EPS15: variants seen among roughly 807,000 people sequenced by gnomAD.
EPS15 encodes the protein epidermal growth factor receptor pathway substrate 15.
Under a neutral mutation model 113.8 loss-of-function variants are expected in EPS15, and 72 were observed. The observed-to-expected ratio is 0.63, with a 90% CI of 0.52 to 0.77. EPS15 has a LOEUF of 0.77. Among genes scored for constraint, EPS15 ranks in the 30% least tolerant of loss-of-function variants. The pLI, the probability that EPS15 is intolerant of heterozygous loss-of-function variation, is 0.00. For missense variants in EPS15, 1,048 were observed against 1,045.8 expected (o/e 1.00, Z -0.03); for synonymous variants, 344 against 363.4 (o/e 0.95, Z 0.61).
chr1:51,412,860 C>G (rs949939911), intron 13 of EPS15, among the ~76,000 whole-genome samples: 1 of 152,118 alleles, frequency 6.6e-6, no homozygotes, highest in Non-Finnish European at 1.5e-5. Context: ...TCGTTCCTTC[C>G]TTGACATACA....
intron 15 of EPS15, 84 bp from the exon 16 acceptor site, chr1:51,406,192 C>A: frequency 8.6e-7 from 1 of 1,158,450 alleles, no homozygotes; most frequent in South Asian, 1.4e-5. Context: ...CACTTCCTGA[C>A]GGGCTAGGTG....
At chr1:51,505,871 A>G (rs1227107678) in intron 1 of EPS15, among the ~76,000 whole-genome samples, 3 of 151,260 alleles carry the variant, frequency 2.0e-5, no homozygotes, top group Non-Finnish European at 4.4e-5. Context: ...GGCTCACTAC[A>G]ATTTATTTAT....
chr1:51,510,053 G>T (rs1443465136), intron 1 of EPS15, among the ~76,000 whole-genome samples: 3 of 152,190 alleles, frequency 2.0e-5, no homozygotes, highest in Non-Finnish European at 2.9e-5. Flanking sequence ...TTGTAAAACA[G>T]GGATATAAGG....
intron 4 of EPS15, 142 bp from the exon 5 acceptor site, chr1:51,468,710 C>T (rs922636042): frequency 3.3e-6 from 2 of 608,438 alleles, no homozygotes; most frequent in Non-Finnish European, 5.8e-6. Flanking sequence ...ATATTTGCTT[C>T]AAAAATATCT....
chr1:51,372,236 C>A (rs1208268026), intron 21 of EPS15: 2 of 474,008 alleles, frequency 4.2e-6, no homozygotes, highest in Non-Finnish European at 8.7e-6. Context: ...TTGCAGGGAG[C>A]TAGGCCTAGT....
intron 8 of EPS15, 157 bp downstream of exon 8, chr1:51,460,933 GA>G (rs754196939): frequency 2.1e-4 from 106 of 513,652 alleles, no homozygotes; most frequent in Non-Finnish European, 3.3e-4. Context: ...CAGCCTGGGT[GA>G]CAGAGTGAGA....
At chr1:51,440,793 G>T (rs116831235) in intron 11 of EPS15, among the ~76,000 whole-genome samples, 202 of 152,136 alleles carry the variant, frequency 1.3e-3, no homozygotes, top group African/African-American at 4.7e-3. Flanking sequence ...ATTTCTCAGA[G>T]AAACTGATGG....
At chr1:51,402,608 C>T in intron 17 of EPS15, 83 bp from the exon 18 acceptor site, 1 of 717,390 alleles carries the variant, frequency 1.4e-6, no homozygotes, top group South Asian at 1.9e-5. Flanking sequence ...AACACACATT[C>T]AGGTCATACA....
chr1:51,363,463 G>C (rs1405060395), intron 23 of EPS15, among the ~76,000 whole-genome samples: 1 of 152,048 alleles, frequency 6.6e-6, no homozygotes, highest in Non-Finnish European at 1.5e-5. Flanking sequence ...TACTTTACAG[G>C]AAAAGGACTT....
At chr1:51,495,333 TTTTA>T (rs1267874237) in intron 1 of EPS15, among the ~76,000 whole-genome samples, 1 of 150,900 alleles carries the variant, frequency 6.6e-6, no homozygotes, top group Non-Finnish European at 1.5e-5. Context: ...ACAAAGTGAG[TTTTA>T]TTTATTTTTA....
chr1:51,461,726 ATAAT>A (rs1360955083), intron 7 of EPS15: 2 of 152,210 alleles, frequency 1.3e-5, no homozygotes, highest in African/African-American at 2.4e-5. Flanking sequence ...CAGGGGAGAA[ATAAT>A]TAGTGGGAAA....
chr1:51,408,360 A>C, intron 14 of EPS15, 28 bp from the exon 15 acceptor site: 1 of 1,497,230 alleles, frequency 6.7e-7, no homozygotes, highest in Non-Finnish European at 9.3e-7. Context: ...ATGAGAAGAA[A>C]TGGGGATTAA....
chr1:51,411,762 G>A (rs1039128963), intron 13 of EPS15, among the ~76,000 whole-genome samples: 1 of 152,158 alleles, frequency 6.6e-6, no homozygotes, highest in Non-Finnish European at 1.5e-5. Flanking sequence ...GTTAGTGGGA[G>A]TGTAAATTAG....
rs148327752 is a variant in EPS15 at position 51,503,263 on chromosome 1, T to A, written c.33+15936A>T. Among the ~76,000 whole-genome samples the A allele has an allele frequency of 2.3e-3, 343 of 152,350 alleles. 1 individual carries two copies. Among genetic ancestry groups the A allele is most frequent in the African/African-American group, 8.1e-3 (335 of 41,584 alleles). ...ATATGAGAATTCCAACTGACTGTTT[T>A]GTAGAAACTGGCAAGCTGATTCTGA... On this transcript the variant is annotated intron_variant, in intron 1 of 24. Coordinates refer to ENST00000371733, the MANE Select transcript of EPS15 (RefSeq NM_001981.3).
chr1:51,357,173 T>C (rs1385868164), intron 24 of EPS15, among the ~76,000 whole-genome samples: 5 of 149,302 alleles, frequency 3.3e-5, no homozygotes, highest in Middle Eastern at 3.2e-3. Context: ...AGGTCAGGAG[T>C]TCGAGACCAG....
At chr1:51,447,979 A>G in intron 9 of EPS15, 67 bp downstream of exon 9, 1 of 1,581,056 alleles carries the variant, frequency 6.3e-7, no homozygotes, top group East Asian at 2.2e-5. Flanking sequence ...ACAGATGGTA[A>G]GGAGTGGTAA....
At chr1:51,401,692 A>G (rs1449279203) in intron 18 of EPS15, among the ~76,000 whole-genome samples, 3 of 152,254 alleles carry the variant, frequency 2.0e-5, no homozygotes, top group African/African-American at 7.2e-5. Context: ...AAAGATGTTC[A>G]ACATTAGTCA....
chr1:51,488,337 T>C (rs895130723), intron 1 of EPS15, among the ~76,000 whole-genome samples: 1 of 152,054 alleles, frequency 6.6e-6, no homozygotes, highest in Non-Finnish European at 1.5e-5. Flanking sequence ...TATCATAAAT[T>C]CTTACCAGCT....
At chr1:51,372,056 G>C (rs1295031242) in intron 21 of EPS15, among the ~76,000 whole-genome samples, 1 of 152,236 alleles carries the variant, frequency 6.6e-6, no homozygotes, top group Non-Finnish European at 1.5e-5. Context: ...CATCCAGGTT[G>C]TGTCAGTACA....
Sources: allele counts gnomAD v4.1 joint callset (sites outside exome capture counted in the v4.1 genomes callset), GRCh38; gene constraint gnomAD v4.1.1; transcripts MANE v1.5; gene names NCBI Gene and HGNC (gene_info 2026-07-23, HGNC 2026-07-21).